Variants in NKAIN2 observed in about 807,000 individuals in gnomAD.
NKAIN2 encodes the protein sodium/potassium-transporting ATPase subunit beta-1-interacting protein 2.
NKAIN2 carries 14 observed loss-of-function variants against 32.6 expected under a neutral mutation model. The observed-to-expected ratio is 0.43, with a 90% CI of 0.28 to 0.67. The LOEUF is 0.67. Ranked by LOEUF, NKAIN2 falls within the 30% of genes least tolerant of loss-of-function variation. The pLI is 0.17. For synonymous variants in NKAIN2, 80 were observed against 87.2 expected (o/e 0.92, Z 0.46); for missense variants, 198 against 258.3 (o/e 0.77, Z 1.60).
chr6:123,815,127 T>G (rs1246970121), intron 1 of NKAIN2, among the ~76,000 whole-genome samples: 1 of 152,242 alleles, frequency 6.6e-6, no homozygotes, highest in African/African-American at 2.4e-5. Context: ...CGTGTTTCTA[T>G]CGTAAATCTA....
At chr6:124,084,072 A>AT (rs1784090031) in intron 1 of NKAIN2, among the ~76,000 whole-genome samples, 1 of 151,994 alleles carries the variant, frequency 6.6e-6, no homozygotes, top group African/African-American at 2.4e-5. Flanking sequence ...GGAGGTAGTG[A>AT]TTTTAGATTA....
At chr6:124,735,483 G>T (rs1776890624) in intron 4 of NKAIN2, among the ~76,000 whole-genome samples, 1 of 151,878 alleles carries the variant, frequency 6.6e-6, no homozygotes, top group East Asian at 1.9e-4. Context: ...AAAAATAAAA[G>T]TAGTGGTAGA....
intron 2 of NKAIN2, among the ~76,000 whole-genome samples, chr6:124,347,231 T>A (rs376180072): frequency 1.3e-5 from 2 of 151,308 alleles, no homozygotes; most frequent in South Asian, 2.1e-4. Context: ...CTTCCCTTTG[T>A]GGGTAACCCG....
chr6:124,138,077 A>G (rs1260812882), intron 1 of NKAIN2, among the ~76,000 whole-genome samples: 2 of 152,168 alleles, frequency 1.3e-5, no homozygotes, highest in Non-Finnish European at 2.9e-5. Flanking sequence ...CCCACAGAGT[A>G]GGAGAAAATA....
intron 1 of NKAIN2, among the ~76,000 whole-genome samples, chr6:123,930,220 G>A (rs1314115480): frequency 6.6e-6 from 1 of 152,116 alleles, no homozygotes; most frequent in Non-Finnish European, 1.5e-5. Flanking sequence ...TGATAATTAA[G>A]GGCAAAGCTT....
intron 3 of NKAIN2, among the ~76,000 whole-genome samples, chr6:124,420,152 G>A (rs931334643): frequency 2.0e-5 from 3 of 152,040 alleles, no homozygotes; most frequent in Non-Finnish European, 2.9e-5. Flanking sequence ...TAAAAGACAG[G>A]CTTTTGATGA....
At chr6:123,922,268 C>T (rs1051734221) in intron 1 of NKAIN2, among the ~76,000 whole-genome samples, 1 of 152,084 alleles carries the variant, frequency 6.6e-6, no homozygotes, top group African/African-American at 2.4e-5. Flanking sequence ...TGCTATGTAG[C>T]CTCTAAGAAG....
chr6:124,172,129 T>C (rs1788925908), intron 1 of NKAIN2, among the ~76,000 whole-genome samples: 1 of 152,204 alleles, frequency 6.6e-6, no homozygotes, highest in Non-Finnish European at 1.5e-5. Flanking sequence ...TTTTTAATGA[T>C]AGTGAAGTTG....
chr6:124,171,532 GA>G (rs1446654118), intron 1 of NKAIN2, among the ~76,000 whole-genome samples: 1 of 147,468 alleles, frequency 6.8e-6, no homozygotes, highest in Non-Finnish European at 1.5e-5. Context: ...GTTTTCGTAA[GA>G]GAGGGCCGAT....
At chr6:124,659,415 TAAAA>T (rs746739888) in intron 4 of NKAIN2, among the ~76,000 whole-genome samples, 1 of 146,954 alleles carries the variant, frequency 6.8e-6, no homozygotes, top group African/African-American at 2.5e-5. Flanking sequence ...CTTCTGGAAT[TAAAA>T]AAAAAAACTA....
rs554201064 is a variant in NKAIN2 at position 124,153,908 on chromosome 6, G to A, written c.55-129097G>A. Among the ~76,000 whole-genome samples, 8 of 147,628 alleles carry A rather than the reference G, an allele frequency of 5.4e-5. No homozygotes were observed. In the South Asian group the frequency reaches 1.1e-3, roughly 20 times the overall value. ...ACTTGTTTTCTTTCCAACTTCAGAT[G>A]GAAAGCATTCATATGTTATCTATTC... On this transcript the variant is annotated intron_variant, in intron 1 of 6. Transcript: ENST00000368417.
At chr6:124,574,726 A>G (rs1781263362) in intron 3 of NKAIN2, among the ~76,000 whole-genome samples, 1 of 152,218 alleles carries the variant, frequency 6.6e-6, no homozygotes, top group South Asian at 2.1e-4. Context: ...CCAGGCTCCA[A>G]TTGCAAGTGC....
chr6:124,270,595 T>G (rs1794714984), intron 1 of NKAIN2, among the ~76,000 whole-genome samples: 1 of 152,202 alleles, frequency 6.6e-6, no homozygotes, highest in East Asian at 1.9e-4. Context: ...CATTGCAAGC[T>G]ATTTTTATTT....
chr6:124,085,042 A>G (rs1028909091), intron 1 of NKAIN2, among the ~76,000 whole-genome samples: 1 of 152,030 alleles, frequency 6.6e-6, no homozygotes, highest in Admixed American at 6.6e-5. Flanking sequence ...TTATAAGTGA[A>G]TAACAAATGC....
At chr6:124,616,446 T>C (rs1175641301) in intron 3 of NKAIN2, among the ~76,000 whole-genome samples, 1 of 8,244 alleles carries the variant, frequency 1.2e-4, no homozygotes, top group African/African-American at 3.3e-4. Flanking sequence ...TCTTTTTTTT[T>C]TTTTTTTTTT....
chr6:124,577,864 C>T (rs992027309), intron 3 of NKAIN2, among the ~76,000 whole-genome samples: 14 of 152,224 alleles, frequency 9.2e-5, no homozygotes, highest in African/African-American at 3.4e-4. Context: ...ACTTAGATAC[C>T]ACCTCAGCCA....
At chr6:124,160,229 A>G (rs556010058) in intron 1 of NKAIN2, among the ~76,000 whole-genome samples, 5 of 152,288 alleles carry the variant, frequency 3.3e-5, no homozygotes, top group East Asian at 3.9e-4. Context: ...CGCTTTATCT[A>G]TACAGCAGAC....
chr6:124,782,089 A>G (rs1779294166), intron 4 of NKAIN2, among the ~76,000 whole-genome samples: 1 of 152,144 alleles, frequency 6.6e-6, no homozygotes, highest in African/African-American at 2.4e-5. Flanking sequence ...CACAGATGTC[A>G]TGGGAAAGGG....
intron 1 of NKAIN2, among the ~76,000 whole-genome samples, chr6:124,251,879 T>C (rs1793703670): frequency 6.6e-6 from 1 of 152,022 alleles, no homozygotes; most frequent in Non-Finnish European, 1.5e-5. Context: ...ATGTAAAACC[T>C]ATAGAAATTT....
Sources: allele counts gnomAD v4.1 joint callset (sites outside exome capture counted in the v4.1 genomes callset), GRCh38; gene constraint gnomAD v4.1.1; transcripts MANE v1.5; gene names NCBI Gene and HGNC (gene_info 2026-07-23, HGNC 2026-07-21).